Variants in DCBLD2 observed in about 807,000 individuals in gnomAD.
The protein encoded by DCBLD2 is discoidin, CUB and LCCL domain-containing protein 2.
DCBLD2 carries 54 observed loss-of-function variants against 86.8 expected under a neutral mutation model. The observed-to-expected ratio is 0.62, with a 90% CI of 0.50 to 0.78. The LOEUF is 0.78. Among genes scored for constraint, DCBLD2 ranks in the 30% least tolerant of loss-of-function variants. The pLI is 0.00. For synonymous variants in DCBLD2, 354 were observed against 341.3 expected (o/e 1.04, Z -0.41); for missense variants, 908 against 954.2 (o/e 0.95, Z 0.64).
At chr3:98,881,155 G>A (rs746724277) in intron 2 of DCBLD2, among the ~76,000 whole-genome samples, 18 of 151,480 alleles carry the variant, frequency 1.2e-4, no homozygotes, top group African/African-American at 2.4e-4. Context: ...TTGGGAGGCC[G>A]AGGCAGGAGG....
intron 2 of DCBLD2, among the ~76,000 whole-genome samples, chr3:98,855,687 T>G (rs1229837453): frequency 1.3e-5 from 2 of 152,242 alleles, no homozygotes; most frequent in African/African-American, 2.4e-5. Flanking sequence ...TTTACCACTA[T>G]CTACAATGGT....
intron 3 of DCBLD2, among the ~76,000 whole-genome samples, chr3:98,842,044 G>A (rs894537777): frequency 7.9e-5 from 12 of 152,162 alleles, no homozygotes; most frequent in Non-Finnish European, 1.6e-4. Context: ...CAGCCCGGGT[G>A]CCAGAGCAAG....
intron 2 of DCBLD2, among the ~76,000 whole-genome samples, chr3:98,851,080 G>C (rs1391952008): frequency 6.6e-6 from 1 of 152,160 alleles, no homozygotes; most frequent in Non-Finnish European, 1.5e-5. Context: ...ACATAGTACT[G>C]GAAGTTCTGG....
rs1014605127 is a variant in DCBLD2, at chr3:98,796,608, C to A, written c.*2764G>T. 6.6e-6 allele frequency: 1 copy of A among 152,606 alleles called. No homozygotes were observed. Among genetic ancestry groups the A allele is most frequent in the Non-Finnish European group, 1.5e-5 (1 of 68,046 alleles). The allele number at this position is 152,606 out of a possible 1,614,324, so 9.5% of individuals were successfully genotyped here. A position where few individuals can be genotyped will look rare whatever the true frequency, so the allele number is the denominator to read the frequency against. On this transcript the variant is annotated 3_prime_UTR_variant, in exon 16 of 16. Transcript: ENST00000326840. ...ATACTTACTGCATTAATTCTTCACT[C>A]GAACCGTTTACATCAGCGAATAAAC...
intron 2 of DCBLD2, among the ~76,000 whole-genome samples, chr3:98,856,940 T>C (rs1942942272): frequency 6.6e-6 from 1 of 152,148 alleles, no homozygotes; most frequent in African/African-American, 2.4e-5. Flanking sequence ...AAGATTCAAC[T>C]GACATATAAG....
At chr3:98,858,419 G>A (rs1308144039) in intron 2 of DCBLD2, among the ~76,000 whole-genome samples, 2 of 152,252 alleles carry the variant, frequency 1.3e-5, no homozygotes, top group African/African-American at 4.8e-5. Flanking sequence ...GCCAAAGTGG[G>A]AGCCCAGGCA....
At chr3:98,805,317 A>G (rs1314674933) in intron 13 of DCBLD2, among the ~76,000 whole-genome samples, 1 of 152,224 alleles carries the variant, frequency 6.6e-6, no homozygotes, top group African/African-American at 2.4e-5. Flanking sequence ...AATACTGATT[A>G]AACACCTTTC....
At chr3:98,884,644 A>G (rs1331917508) in intron 1 of DCBLD2, among the ~76,000 whole-genome samples, 1 of 152,118 alleles carries the variant, frequency 6.6e-6, no homozygotes, top group East Asian at 1.9e-4. Context: ...TTACTACTGA[A>G]AAGATGAAAA....
chr3:98,811,632 C>T (rs999174096), intron 10 of DCBLD2, 78 bp from the exon 11 acceptor site: 1 of 1,265,220 alleles, frequency 7.9e-7, no homozygotes, highest in Non-Finnish European at 1.1e-6. Flanking sequence ...TAAATGTCTT[C>T]AATATTTCCT....
intron 3 of DCBLD2, among the ~76,000 whole-genome samples, chr3:98,846,262 T>C (rs1369860142): frequency 6.6e-6 from 1 of 152,192 alleles, no homozygotes; most frequent in Admixed American, 6.5e-5. Flanking sequence ...GATGAAGCAA[T>C]ATTTTTCACA....
rs555044900 is a variant in DCBLD2 at position 98,818,815 on chromosome 3, T to C, written c.1087+387A>G. ...TTTGGGACTTCTGGACCTTTGACCA[T>C]AGACTAAAAGCTGCACTGTTGGCTT... On this transcript the variant is annotated intron_variant, in intron 8 of 15. Coordinates refer to ENST00000326840, the MANE Select transcript of DCBLD2 (RefSeq NM_080927.4). 3.0e-4 allele frequency among the ~76,000 whole-genome samples: 46 copies of C among 152,326 alleles called. No homozygotes were observed. The South Asian group carries it at 8.7e-3, about 29-fold the overall frequency.
chr3:98,847,754 T>C (rs1942753733), intron 3 of DCBLD2, among the ~76,000 whole-genome samples: 1 of 152,214 alleles, frequency 6.6e-6, no homozygotes, highest in Non-Finnish European at 1.5e-5. Context: ...CTTAATTCAA[T>C]GCTGAATATC....
At chr3:98,832,372 T>C (rs912455726) in intron 3 of DCBLD2, among the ~76,000 whole-genome samples, 2 of 152,150 alleles carry the variant, frequency 1.3e-5, no homozygotes, top group Non-Finnish European at 2.9e-5. Flanking sequence ...TATCATTGGG[T>C]CTTGCTTTTT....
At chr3:98,862,516 C>G (rs1490804989) in intron 2 of DCBLD2, among the ~76,000 whole-genome samples, 1 of 152,178 alleles carries the variant, frequency 6.6e-6, no homozygotes, top group Non-Finnish European at 1.5e-5. Context: ...AAAAGTTTAT[C>G]CACCACGATC....
At chr3:98,836,417 ATTT>A (rs952266045) in intron 3 of DCBLD2, among the ~76,000 whole-genome samples, 23 of 151,312 alleles carry the variant, frequency 1.5e-4, no homozygotes, top group African/African-American at 5.4e-4. Context: ...CATGGAAATT[ATTT>A]TTTGGTGAAA....
chr3:98,880,475 T>G (rs763518728), intron 2 of DCBLD2, among the ~76,000 whole-genome samples: 1 of 152,226 alleles, frequency 6.6e-6, no homozygotes, highest in Admixed American at 6.5e-5. Flanking sequence ...TCAAAGGTTT[T>G]TAAACGTGAC....
intron 12 of DCBLD2, 108 bp from the exon 13 acceptor site, chr3:98,808,282 C>A (rs909941069): frequency 2.4e-5 from 22 of 916,314 alleles, no homozygotes; most frequent in Non-Finnish European, 3.4e-5. Flanking sequence ...TTCTACCTCA[C>A]GGAAATACCA....
chr3:98,882,027 C>G (rs1265227029), intron 1 of DCBLD2, among the ~76,000 whole-genome samples: 1 of 152,180 alleles, frequency 6.6e-6, no homozygotes, highest in Admixed American at 6.5e-5. Context: ...ACTTGTGTTA[C>G]CTGAAACTAC....
chr3:98,881,469 G>T, intron 2 of DCBLD2, 71 bp downstream of exon 2: 2 of 1,371,284 alleles, frequency 1.5e-6, no homozygotes, highest in Non-Finnish European at 2.1e-6. Flanking sequence ...GTTATTTAAT[G>T]TTAATATCAA....
Sources: allele counts gnomAD v4.1 joint callset (sites outside exome capture counted in the v4.1 genomes callset), GRCh38; gene constraint gnomAD v4.1.1; transcripts MANE v1.5; gene names NCBI Gene and HGNC (gene_info 2026-07-23, HGNC 2026-07-21).